Variants in CHCHD6 observed in about 807,000 individuals in gnomAD.
CHCHD6 encodes the protein coiled-coil-helix-coiled-coil-helix domain containing 6.
In CHCHD6, 28 loss-of-function variants were observed where a neutral mutation model predicts 32.3. The ratio of observed to expected loss-of-function variants is 0.87; its 90% confidence interval spans 0.64 to 1.19. The LOEUF is 1.19. Among genes scored for constraint, CHCHD6 ranks in the 50% most tolerant of loss-of-function variants. The pLI, the probability that CHCHD6 is intolerant of heterozygous loss-of-function variation, is 0.00. For missense variants in CHCHD6, 333 were observed against 307.0 expected (o/e 1.08, Z -0.63); for synonymous variants, 122 against 117.5 (o/e 1.04, Z -0.25).
chr3:126,794,797 C>T (rs1166737568), intron 4 of CHCHD6, among the ~76,000 whole-genome samples: 1 of 152,100 alleles, frequency 6.6e-6, no homozygotes, highest in Non-Finnish European at 1.5e-5. Context: ...GTGTTCACCT[C>T]TGATGTCCCT....
chr3:126,876,106 CTG>C (rs2077535974), intron 5 of CHCHD6, among the ~76,000 whole-genome samples: 1 of 152,242 alleles, frequency 6.6e-6, no homozygotes, highest in African/African-American at 2.4e-5. Context: ...AATACTTACT[CTG>C]AGCACTGTTA....
chr3:126,823,534 A>G, intron 4 of CHCHD6, among the ~76,000 whole-genome samples: 1 of 152,324 alleles, frequency 6.6e-6, no homozygotes, highest in Admixed American at 6.5e-5. Context: ...TCTTGTTAGT[A>G]TATAGGAATA....
intron 5 of CHCHD6, among the ~76,000 whole-genome samples, chr3:126,863,328 C>T (rs1942034429): frequency 2.1e-5 from 3 of 143,728 alleles, no homozygotes; most frequent in African/African-American, 5.2e-5. Context: ...CCACCTCCTC[C>T]TCCTCCTCCA....
intron 1 of CHCHD6, among the ~76,000 whole-genome samples, chr3:126,721,309 C>T (rs531371735): frequency 2.6e-4 from 39 of 152,318 alleles, no homozygotes; most frequent in African/African-American, 8.4e-4. Context: ...GAACCTATGG[C>T]GGCAGGCGCA....
chr3:126,789,431 C>T (rs1277118491), intron 4 of CHCHD6, among the ~76,000 whole-genome samples: 3 of 152,158 alleles, frequency 2.0e-5, no homozygotes, highest in Non-Finnish European at 4.4e-5. Context: ...GTGTTAAAGT[C>T]TCCCATCATT....
chr3:126,710,827 T>A (rs898114730), intron 1 of CHCHD6, among the ~76,000 whole-genome samples: 2 of 152,190 alleles, frequency 1.3e-5, no homozygotes, highest in Admixed American at 6.5e-5. Context: ...GTAGGGTTTT[T>A]CTTGGGGTGG....
rs1942188076 is a variant in CHCHD6 at position 126,864,782 on chromosome 3, C to G, written c.495+12052C>G. On this transcript the variant is annotated intron_variant, in intron 5 of 7. Coordinates refer to ENST00000290913, the MANE Select transcript of CHCHD6 (RefSeq NM_032343.3). The stretch of plus-strand genomic sequence containing the variant: ...TCCTCCACCATCACCTCCTCCTCCA[C>G]CATCACCTCCTCCTCCACCGTCACC... Among the ~76,000 whole-genome samples, 3 of 148,006 alleles carry G rather than the reference C, an allele frequency of 2.0e-5. No homozygotes were observed. In the South Asian group the frequency reaches 6.6e-4, roughly 33 times the overall value.
intron 4 of CHCHD6, among the ~76,000 whole-genome samples, chr3:126,756,638 T>C (rs1936967301): frequency 6.6e-6 from 1 of 152,202 alleles, no homozygotes; most frequent in Admixed American, 6.5e-5. Flanking sequence ...CGCAGTTTCC[T>C]CAGTTGTAGT....
intron 4 of CHCHD6, among the ~76,000 whole-genome samples, chr3:126,839,511 A>C (rs1016139947): frequency 6.6e-6 from 1 of 152,148 alleles, no homozygotes; most frequent in Non-Finnish European, 1.5e-5. Context: ...TTCATTTATC[A>C]TTACAACATA....
chr3:126,868,180 G>A (rs937262407), intron 5 of CHCHD6, among the ~76,000 whole-genome samples: 1 of 152,374 alleles, frequency 6.6e-6, no homozygotes, highest in East Asian at 1.9e-4. Flanking sequence ...CCCCTACAGA[G>A]TCCAGCTCAG....
intron 2 of CHCHD6, among the ~76,000 whole-genome samples, chr3:126,727,974 T>TA (rs35326256): frequency 0.11 from 16,294 of 144,466 alleles, 944 homozygotes; most frequent in Middle Eastern, 0.23. Context: ...GTAACTCAAT[T>TA]AAAAAAAAAA....
At chr3:126,814,838 G>C (rs1414049280) in intron 4 of CHCHD6, among the ~76,000 whole-genome samples, 1 of 152,206 alleles carries the variant, frequency 6.6e-6, no homozygotes, top group Non-Finnish European at 1.5e-5. Flanking sequence ...GCGTTCTGGA[G>C]GCTTGGACTT....
chr3:126,868,059 C>T (rs1020347287), intron 5 of CHCHD6, among the ~76,000 whole-genome samples: 7 of 152,334 alleles, frequency 4.6e-5, no homozygotes, highest in East Asian at 1.9e-4. Context: ...GTCCCTGGAG[C>T]GCAAGGTCAC....
chr3:126,822,082 A>AT (rs1218741661), intron 4 of CHCHD6, among the ~76,000 whole-genome samples: 1 of 152,076 alleles, frequency 6.6e-6, no homozygotes, highest in African/African-American at 2.4e-5. Flanking sequence ...CAACTTACCT[A>AT]TTTTTTCTTT....
At chr3:126,863,586 T>C (rs867553145) in intron 5 of CHCHD6, among the ~76,000 whole-genome samples, 2,391 of 19,742 alleles carry the variant, frequency 0.12, no homozygotes, top group East Asian at 0.14. Flanking sequence ...CCTCCTCCTC[T>C]TCCTCCACCA....
rs201027142 is a variant in CHCHD6, at chr3:126,774,818, TG to T, written c.411+41597del. Among the ~76,000 whole-genome samples the T allele has an allele frequency of 7.9e-3, 1,207 of 152,338 alleles. 11 individuals are homozygous for T. Among genetic ancestry groups the T allele is most frequent in the African/African-American group, 0.027 (1,107 of 41,566 alleles). ...GTGTACTTGTTATCTAAAAGTTTACTGTCTAAATTTGACTGTCTTGCTAAGC... is the reference window on the plus strand; with the variant it reads ...GTGTACTTGTTATCTAAAAGTTTACTTCTAAATTTGACTGTCTTGCTAAGC... On this transcript the variant is annotated intron_variant, in intron 4 of 7. Transcript: ENST00000290913.
At chr3:126,930,578 A>C (rs900957670) in intron 6 of CHCHD6, among the ~76,000 whole-genome samples, 3 of 152,218 alleles carry the variant, frequency 2.0e-5, no homozygotes, top group African/African-American at 7.2e-5. Flanking sequence ...AATAGAAAAC[A>C]TGGGCTTTGG....
rs367889153 is a variant in CHCHD6, at chr3:126,792,645, A to AT, written c.411+59427dup. The stretch of plus-strand genomic sequence containing the variant: ...ATTTTAACAATTTCAATTAATTTGC[A>AT]TTTTAGTGTTCATTTTATGAGCTAG... On this transcript the variant is annotated intron_variant, in intron 4 of 7. Coordinates refer to ENST00000290913, the MANE Select transcript of CHCHD6 (RefSeq NM_032343.3). Among the ~76,000 whole-genome samples the AT allele has an allele frequency of 6.1e-3, 930 of 152,116 alleles. 8 individuals are homozygous for AT. The highest frequency in any genetic ancestry group is 0.021 in the African/African-American group (889 of 41,502).
intron 6 of CHCHD6, among the ~76,000 whole-genome samples, chr3:126,922,621 ACG>A (rs1559924403): frequency 1.2e-5 from 1 of 83,764 alleles, no homozygotes; most frequent in African/African-American, 4.3e-5. Flanking sequence ...TCAGCCCACC[ACG>A]TGTGTGTGTG....
Sources: allele counts gnomAD v4.1 joint callset (sites outside exome capture counted in the v4.1 genomes callset), GRCh38; gene constraint gnomAD v4.1.1; transcripts MANE v1.5; gene names NCBI Gene and HGNC (gene_info 2026-07-23, HGNC 2026-07-21).